PEX5L: variants seen among roughly 807,000 people sequenced by gnomAD.
The protein encoded by PEX5L is PEX5-related protein.
Under a neutral mutation model 84.0 loss-of-function variants are expected in PEX5L, and 30 were observed. The ratio of observed to expected loss-of-function variants is 0.36; its 90% CI spans 0.27 to 0.48. The LOEUF (loss-of-function observed/expected upper bound fraction) is 0.48. Among genes scored for constraint, PEX5L ranks in the 20% least tolerant of loss-of-function variants. PEX5L has a pLI of 0.99. For synonymous variants in PEX5L, 270 were observed against 283.1 expected, an observed-to-expected ratio of 0.95 and a Z score of 0.46; for missense variants, 533 against 754.6, an observed-to-expected ratio of 0.71 and a Z score of 3.44.
chr3:179,916,938 G>C (rs995287286), intron 2 of PEX5L, among the ~76,000 whole-genome samples: 8 of 151,672 alleles, frequency 5.3e-5, no homozygotes, highest in African/African-American at 1.7e-4. Flanking sequence ...CTAAAGTGCT[G>C]GGATTACAGG....
At chr3:179,997,605 G>A (rs1157968752) in intron 1 of PEX5L, among the ~76,000 whole-genome samples, 1 of 152,172 alleles carries the variant, frequency 6.6e-6, no homozygotes, top group African/African-American at 2.4e-5. Flanking sequence ...AAGATGCAGG[G>A]GTGGTAATTC....
intron 1 of PEX5L, among the ~76,000 whole-genome samples, chr3:180,019,537 C>A (rs1790244733): frequency 1.3e-5 from 2 of 152,088 alleles, no homozygotes; most frequent in Admixed American, 6.6e-5. Context: ...AGAAGCATAC[C>A]TTGAGGTTCT....
rs761795883 is a variant in PEX5L, at chr3:179,887,692, T to C, written c.291A>G (p.Pro97=). ...CETKSEAIAR[P]VTSNTAVLTT... ...AATTACCAGCTGTATTGGATGTTAC[T>C]GGCCTTGCTATTGCTTCCGATTTGG... Residue 97 remains proline (P), a synonymous_variant, in exon 4 of 15, where the codon CCA becomes CCG. Coordinates refer to ENST00000467460, the MANE Select transcript of PEX5L (RefSeq NM_016559.3). 1.2e-6 allele frequency: 2 copies of C among 1,609,536 alleles called. No individual in the cohort carries two copies. Among genetic ancestry groups the C allele is most frequent in the Admixed American group, 3.3e-5 (2 of 60,022 alleles).
intron 1 of PEX5L, among the ~76,000 whole-genome samples, chr3:180,014,449 G>T (rs1357755115): frequency 6.6e-6 from 1 of 151,034 alleles, no homozygotes; most frequent in African/African-American, 2.5e-5. Flanking sequence ...TCCAGCCTGG[G>T]TGACAGAGCG....
intron 2 of PEX5L, among the ~76,000 whole-genome samples, chr3:179,937,097 C>T (rs1360634167): frequency 3.3e-5 from 5 of 151,978 alleles, no homozygotes; most frequent in East Asian, 1.9e-4. Context: ...ATACAAGGTG[C>T]TAAAAGAAAT....
At chr3:179,898,882 T>C (rs1221867444) in intron 2 of PEX5L, among the ~76,000 whole-genome samples, 2 of 151,988 alleles carry the variant, frequency 1.3e-5, no homozygotes, top group African/African-American at 2.4e-5. Context: ...TTTAATAGAG[T>C]TTTAGAAGTG....
chr3:179,844,982 T>C (rs1057365711), intron 8 of PEX5L, among the ~76,000 whole-genome samples: 1 of 152,254 alleles, frequency 6.6e-6, no homozygotes. Context: ...AGATTGGTCA[T>C]ACTTATTCTG....
chr3:179,799,964 C>T lies in PEX5L; in HGVS notation c.*1864G>A, dbSNP rs1445172436. On this transcript the variant is annotated 3_prime_UTR_variant, in exon 15 of 15. Transcript: ENST00000467460. ...TTCTGCTGACCAGCTGGAGCTACCA[C>T]CTGGCCCAAGTCAACTTTGACAATG... is the stretch of plus-strand genomic sequence containing the variant. 6.6e-6 allele frequency: 1 copy of T among 152,240 alleles called. No individual in the cohort carries two copies. Among genetic ancestry groups the T allele is most frequent in the Non-Finnish European group, 1.5e-5 (1 of 68,074 alleles). 9.4% of individuals were successfully genotyped at this position (152,240 alleles called of 1,614,324 possible). A position where few individuals can be genotyped will look rare whatever the true frequency, so the allele number is the denominator to read the frequency against.
intron 1 of PEX5L, among the ~76,000 whole-genome samples, chr3:179,985,146 T>C (rs567944147): frequency 2.0e-5 from 3 of 152,362 alleles, no homozygotes; most frequent in Admixed American, 2.0e-4. Flanking sequence ...TCTTTTCTCC[T>C]AGGCCATTTC....
Position 180,005,669 on chromosome 3 carries a change from C to G in PEX5L, c.21+30910G>C, listed in dbSNP as rs576122161. ...GTGTGAACACGGGAGGTGGAGCTTGCAGTGAGCAGAGATAGCGCCACTGCA... is the reference window on the plus strand; with the variant it reads ...GTGTGAACACGGGAGGTGGAGCTTGGAGTGAGCAGAGATAGCGCCACTGCA... On this transcript the variant is annotated intron_variant, in intron 1 of 14. Coordinates refer to ENST00000467460, the MANE Select transcript of PEX5L (RefSeq NM_016559.3). 2.0e-5 allele frequency among the ~76,000 whole-genome samples: 3 copies of G among 151,852 alleles called. 1 individual carries two copies. The South Asian group carries it at 6.2e-4, about 32-fold the overall frequency.
At chr3:179,804,743 C>A (rs747506659) in intron 14 of PEX5L, among the ~76,000 whole-genome samples, 1 of 152,226 alleles carries the variant, frequency 6.6e-6, no homozygotes, top group Non-Finnish European at 1.5e-5. Context: ...CTTTTGAGCT[C>A]TTTCTCTATT....
chr3:179,925,276 G>T (rs953625984), intron 2 of PEX5L, among the ~76,000 whole-genome samples: 1 of 152,158 alleles, frequency 6.6e-6, no homozygotes, highest in African/African-American at 2.4e-5. Context: ...GCATCCAGTA[G>T]AAAATCTTCC....
At chr3:179,845,940 C>A (rs566430070) in intron 8 of PEX5L, among the ~76,000 whole-genome samples, 1 of 152,258 alleles carries the variant, frequency 6.6e-6, no homozygotes, top group African/African-American at 2.4e-5. Context: ...GAGGCTGAGA[C>A]GGGCAGATCA....
chr3:179,907,768 C>T (rs192347018), intron 2 of PEX5L, among the ~76,000 whole-genome samples: 17 of 152,210 alleles, frequency 1.1e-4, no homozygotes, highest in Admixed American at 1.0e-3. Flanking sequence ...AATTGGAATT[C>T]ACCCCCTTTA....
chr3:179,967,440 T>G (rs1783621946), intron 2 of PEX5L, among the ~76,000 whole-genome samples: 1 of 152,138 alleles, frequency 6.6e-6, no homozygotes, highest in Non-Finnish European at 1.5e-5. Flanking sequence ...TTTACATATT[T>G]TAACTCAGAG....
At chr3:179,964,898 A>C (rs971583461) in intron 2 of PEX5L, among the ~76,000 whole-genome samples, 1 of 152,224 alleles carries the variant, frequency 6.6e-6, no homozygotes, top group Non-Finnish European at 1.5e-5. Context: ...TTTCTCCCAA[A>C]AACTTTATGA....
chr3:180,028,289 T>A (rs937428883), intron 1 of PEX5L, among the ~76,000 whole-genome samples: 2 of 152,180 alleles, frequency 1.3e-5, no homozygotes, highest in African/African-American at 4.8e-5. Flanking sequence ...GGAGAAACAG[T>A]GGTGAACACC....
intron 1 of PEX5L, among the ~76,000 whole-genome samples, chr3:180,015,864 A>G (rs921064499): frequency 2.2e-5 from 3 of 136,318 alleles, no homozygotes; most frequent in African/African-American, 3.1e-5. Flanking sequence ...AATAATATAT[A>G]ACATATAATA....
At chr3:180,001,704 A>G (rs1389350415) in intron 1 of PEX5L, among the ~76,000 whole-genome samples, 1 of 152,138 alleles carries the variant, frequency 6.6e-6, no homozygotes, top group Non-Finnish European at 1.5e-5. Context: ...TATGTTTTAT[A>G]CACATATGCA....
Sources: allele counts gnomAD v4.1 joint callset (sites outside exome capture counted in the v4.1 genomes callset), GRCh38; gene constraint gnomAD v4.1.1; transcripts MANE v1.5; gene names NCBI Gene and HGNC (gene_info 2026-07-23, HGNC 2026-07-21).